HDAC9: variants seen among roughly 807,000 people sequenced by gnomAD.
HDAC9 encodes histone deacetylase 9.
In HDAC9, 41 loss-of-function variants were observed where a neutral mutation model predicts 139.4. That is an observed-to-expected ratio of 0.29 (90% CI 0.23 to 0.38). The LOEUF (loss-of-function observed/expected upper bound fraction) is 0.38. Ranked by LOEUF, HDAC9 falls within the 10% of genes least tolerant of loss-of-function variation. HDAC9 has a pLI of 1.00. For synonymous variants in HDAC9, 517 were observed against 476.2 expected (o/e 1.09, Z -1.12); for missense variants, 1,147 against 1,297.0 (o/e 0.88, Z 1.78).
At chr7:18,158,032 T>A (rs1351515646) in intron 1 of HDAC9, among the ~76,000 whole-genome samples, 1 of 152,180 alleles carries the variant, frequency 6.6e-6, no homozygotes, top group Non-Finnish European at 1.5e-5. Flanking sequence ...TGAATGGCTG[T>A]GTAGACTGAA....
At chr7:18,896,999 C>T (rs566475913) in intron 22 of HDAC9, among the ~76,000 whole-genome samples, 10 of 152,122 alleles carry the variant, frequency 6.6e-5, no homozygotes, top group Non-Finnish European at 1.3e-4. Flanking sequence ...CTTCTGCATA[C>T]AATGACATTG....
intron 2 of HDAC9, among the ~76,000 whole-genome samples, chr7:18,254,077 A>T (rs1038956938): frequency 1.3e-5 from 2 of 152,242 alleles, no homozygotes; most frequent in African/African-American, 2.4e-5. Context: ...TTCAATATAC[A>T]TCAAAAGTTT....
At chr7:18,809,382 C>A (rs57173432) in intron 17 of HDAC9, among the ~76,000 whole-genome samples, 1 of 151,788 alleles carries the variant, frequency 6.6e-6, no homozygotes, top group Admixed American at 6.6e-5. Flanking sequence ...AGAAAACAAT[C>A]GACAAAATTA....
intron 11 of HDAC9, 53 bp downstream of exon 11, chr7:18,648,736 T>C: frequency 6.8e-7 from 1 of 1,470,850 alleles, no homozygotes; most frequent in Non-Finnish European, 9.3e-7. Context: ...GGAAATTGGG[T>C]ATCTCTTCAC....
intron 12 of HDAC9, among the ~76,000 whole-genome samples, chr7:18,676,777 GGTTA>G (rs1226886163): frequency 1.3e-5 from 2 of 151,556 alleles, no homozygotes; most frequent in South Asian, 2.1e-4. Context: ...TGTTTACAGT[GGTTA>G]GTTGTATCTC....
chr7:18,409,752 A>G (rs748630997), intron 1 of HDAC9, among the ~76,000 whole-genome samples: 2 of 152,328 alleles, frequency 1.3e-5, no homozygotes, highest in Middle Eastern at 3.4e-3. Context: ...ATTTTGGAAA[A>G]AGTGATAAGG....
chr7:18,515,346 G>T (rs1802835929), intron 2 of HDAC9, among the ~76,000 whole-genome samples: 1 of 152,132 alleles, frequency 6.6e-6, no homozygotes, highest in Non-Finnish European at 1.5e-5. Flanking sequence ...AAACACATCA[G>T]TCATTCACAA....
chr7:18,695,047 TAGTA>T (rs1490246540), intron 12 of HDAC9, among the ~76,000 whole-genome samples: 2 of 152,164 alleles, frequency 1.3e-5, no homozygotes, highest in Non-Finnish European at 2.9e-5. Context: ...TGCATGGAAT[TAGTA>T]AGGACATAAG....
At position 18,220,865 on chromosome 7, in the gene HDAC9, A is replaced by G. The variant is rs532521843; in HGVS notation, c.25+58516A>G. 1.2e-4 allele frequency among the ~76,000 whole-genome samples: 18 copies of G among 152,290 alleles called. No homozygotes were observed. The South Asian group carries it at 3.5e-3, about 30-fold the overall frequency. ...AAGCAATCAGATTCCAAACACTGGA[A>G]CCATAATTTCTCACTTATTTCCTAC... On this transcript the variant is annotated intron_variant, in intron 2 of 12. Transcript: ENST00000417496.
chr7:18,413,212 A>G (rs184542326), intron 1 of HDAC9, among the ~76,000 whole-genome samples: 3 of 152,282 alleles, frequency 2.0e-5, no homozygotes, highest in East Asian at 1.9e-4. Context: ...ATTTGCTGCA[A>G]TGATATCAAA....
rs565368405 is a variant in HDAC9 at position 18,951,777 on chromosome 7, A to C, written c.2938-2369A>C. On this transcript the variant is annotated intron_variant, in intron 23 of 25. Transcript: ENST00000686413. ...TTAATATTATTTTATTAGTTATTAA[A>C]TTATGAATAATGACAACACTCATAA... 3.8e-3 allele frequency among the ~76,000 whole-genome samples: 574 copies of C among 151,974 alleles called. 2 individuals carry two copies. The highest frequency in any genetic ancestry group is 0.013 in the African/African-American group (551 of 41,532).
intron 1 of HDAC9, among the ~76,000 whole-genome samples, chr7:18,462,765 A>C (rs1793959891): frequency 6.6e-6 from 1 of 152,002 alleles, no homozygotes; most frequent in Non-Finnish European, 1.5e-5. Context: ...AATATATATG[A>C]CAATTTACTT....
chr7:18,331,697 A>T (rs1436661650), intron 1 of HDAC9, among the ~76,000 whole-genome samples: 1 of 151,690 alleles, frequency 6.6e-6, no homozygotes, highest in Non-Finnish European at 1.5e-5. Context: ...AATAATGATT[A>T]TCTTAAGTAT....
intron 1 of HDAC9, among the ~76,000 whole-genome samples, chr7:18,458,187 G>C (rs543124886): frequency 1.3e-5 from 2 of 152,252 alleles, no homozygotes; most frequent in East Asian, 3.9e-4. Context: ...CCAGGGTGCT[G>C]GTAATTAAAT....
At chr7:18,389,974 A>G (rs1222652335) in intron 1 of HDAC9, among the ~76,000 whole-genome samples, 1 of 151,784 alleles carries the variant, frequency 6.6e-6, no homozygotes, top group East Asian at 1.9e-4. Context: ...CTCCATACGC[A>G]TCAATTAGTG....
intron 2 of HDAC9, among the ~76,000 whole-genome samples, chr7:18,241,120 C>T (rs534745738): frequency 6.6e-6 from 1 of 152,192 alleles, no homozygotes; most frequent in African/African-American, 2.4e-5. Flanking sequence ...GCCAGGGGAC[C>T]CCAGCTAAAA....
intron 2 of HDAC9, among the ~76,000 whole-genome samples, chr7:18,206,728 A>T (rs893072850): frequency 1.3e-5 from 2 of 152,178 alleles, no homozygotes; most frequent in Admixed American, 6.5e-5. Context: ...GATGGACCTT[A>T]AAAAATTCAC....
chr7:18,865,856 T>A (rs1798453829), intron 21 of HDAC9, among the ~76,000 whole-genome samples: 3 of 148,192 alleles, frequency 2.0e-5, no homozygotes, highest in Non-Finnish European at 4.5e-5. Flanking sequence ...TATAATTTTA[T>A]AATATGATGC....
intron 11 of HDAC9, among the ~76,000 whole-genome samples, chr7:18,664,335 T>G: frequency 6.6e-6 from 1 of 152,308 alleles, no homozygotes; most frequent in Admixed American, 6.5e-5. Flanking sequence ...CATTGTGATA[T>G]GAGTTTTGAT....
Sources: gnomAD v4.1 joint callset for allele counts (sites outside exome capture counted in the v4.1 genomes callset) on GRCh38, gnomAD v4.1.1 for gene constraint, MANE v1.5 for transcripts, NCBI Gene and HGNC (gene_info 2026-07-23, HGNC 2026-07-21) for gene names.